Variants in CNNM2 observed in about 807,000 individuals in gnomAD.
The protein encoded by CNNM2 is metal transporter CNNM2.
In CNNM2, 12 loss-of-function variants were observed where a neutral mutation model predicts 66.9. That is an observed-to-expected ratio of 0.18 (90% CI 0.11 to 0.29). The LOEUF is 0.29. CNNM2 is among the 10% of genes least tolerant of loss of function. The pLI is 1.00. For synonymous variants in CNNM2, 557 were observed against 501.8 expected, an observed-to-expected ratio of 1.11 and a Z score of -1.47; for missense variants, 705 against 1,167.7, an observed-to-expected ratio of 0.60 and a Z score of 5.77.
chr10:102,985,098 C>A (rs368199971), intron 1 of CNNM2, among the ~76,000 whole-genome samples: 12 of 152,112 alleles, frequency 7.9e-5, no homozygotes, highest in African/African-American at 2.9e-4. Context: ...AAGGGAAAGT[C>A]TTTTTTTTCT....
chr10:102,921,673 T>G (rs997606255), intron 1 of CNNM2, among the ~76,000 whole-genome samples: 1 of 152,312 alleles, frequency 6.6e-6, no homozygotes, highest in Non-Finnish European at 1.5e-5. Flanking sequence ...TGCAGTAATA[T>G]CTGTAATACA....
chr10:102,937,971 G>A (rs1408768874), intron 1 of CNNM2, among the ~76,000 whole-genome samples: 1 of 151,950 alleles, frequency 6.6e-6, no homozygotes, highest in Non-Finnish European at 1.5e-5. Context: ...TATCATTTAG[G>A]TGCCTTTACT....
chr10:103,020,852 T>C (rs1343058608), intron 1 of CNNM2, among the ~76,000 whole-genome samples: 1 of 152,068 alleles, frequency 6.6e-6, no homozygotes, highest in African/African-American at 2.4e-5. Flanking sequence ...TTGGAATTGG[T>C]ACTAACAGGA....
intron 2 of CNNM2, among the ~76,000 whole-genome samples, chr10:103,053,649 G>C (rs564764618): frequency 3.3e-5 from 5 of 152,342 alleles, no homozygotes; most frequent in African/African-American, 1.2e-4. Flanking sequence ...CTAAACAGCA[G>C]TGTGGAGACT....
chr10:103,010,319 C>A (rs1425920103), intron 1 of CNNM2, among the ~76,000 whole-genome samples: 1 of 151,926 alleles, frequency 6.6e-6, no homozygotes, highest in African/African-American at 2.4e-5. Context: ...CGCACTACAG[C>A]CTGGACCTCC....
At chr10:103,007,137 C>G (rs2064244770) in intron 1 of CNNM2, among the ~76,000 whole-genome samples, 1 of 152,136 alleles carries the variant, frequency 6.6e-6, no homozygotes. Context: ...TGATGCCCAC[C>G]TGAACTGCAA....
chr10:103,078,414 C>G lies in CNNM2; in HGVS notation c.*1234C>G, dbSNP rs899526643. 1 of 152,248 alleles carries G rather than the reference C, an allele frequency of 6.6e-6. No homozygotes were observed. The highest frequency in any genetic ancestry group is 6.5e-5 in the Admixed American group (1 of 15,288). The allele number at this position is 152,248 out of a possible 1,614,324, so 9.4% of individuals were successfully genotyped here. ...GGCTCTGTGCCTCCTGCCTCAGATG[C>G]GGCCTGTGCCAGAGAGGCTGCCTGT... On this transcript the variant is annotated 3_prime_UTR_variant, in exon 8 of 8. Transcript: ENST00000369878.
rs1037923467 is a variant in CNNM2 at position 103,090,150 on chromosome 10, G to A, written c.*12970G>A. ...TGGAAATTGGAAAAGATGGAGAGGG[G>A]AGTTTACTTTCTATTTTACAGCAAA... On this transcript the variant is annotated 3_prime_UTR_variant, in exon 8 of 8. Transcript: ENST00000369878. 1 of 433,094 alleles carries A rather than the reference G, an allele frequency of 2.3e-6. No individual in the cohort carries two copies. Among genetic ancestry groups the A allele is most frequent in the Non-Finnish European group, 4.1e-6 (1 of 246,004 alleles). 26.8% of individuals were successfully genotyped at this position (433,094 alleles called of 1,614,324 possible).
rs77348449 is a variant in CNNM2, at chr10:103,079,298, C to T, written c.*2118C>T. 2.6e-5 allele frequency: 4 copies of T among 152,434 alleles called. No homozygotes were observed. Among genetic ancestry groups the T allele is most frequent in the East Asian group, 1.9e-4 (1 of 5,186 alleles). The allele number at this position is 152,434 out of a possible 1,614,324, so 9.4% of individuals were successfully genotyped here. ...GGAAGAGGGCATCTATCCCCCTCTT[C>T]GGGTCTGCGCAGTGCTGGCCTTCCC... On this transcript the variant is annotated 3_prime_UTR_variant, in exon 8 of 8. Transcript: ENST00000369878.
At chr10:102,948,236 G>A (rs1846693188) in intron 1 of CNNM2, among the ~76,000 whole-genome samples, 1 of 152,142 alleles carries the variant, frequency 6.6e-6, no homozygotes, top group Non-Finnish European at 1.5e-5. Flanking sequence ...TAGACATGAA[G>A]CAAATCATCA....
chr10:103,056,972 G>A lies in CNNM2; in HGVS notation c.2073+8G>A. ...TTCGTTCTCATTCTGCAGGTCAGAA[G>A]AATTATTCAATAGTGGTTTGCTCTC... On this transcript the variant is annotated splice_region_variant and intron_variant, in intron 4 of 7. Coordinates refer to ENST00000369878, the MANE Select transcript of CNNM2 (RefSeq NM_017649.5). The A allele has an allele frequency of 4.4e-6, 7 of 1,606,558 alleles. No homozygotes were observed. The highest frequency in any genetic ancestry group is 5.9e-6 in the Non-Finnish European group (7 of 1,177,038).
chr10:102,933,060 A>C (rs1846119668), intron 1 of CNNM2, among the ~76,000 whole-genome samples: 1 of 152,190 alleles, frequency 6.6e-6, no homozygotes, highest in East Asian at 1.9e-4. Context: ...GAAATTAGAA[A>C]GTTTGAATCC....
intron 1 of CNNM2, among the ~76,000 whole-genome samples, chr10:102,985,351 T>A (rs1418288798): frequency 6.6e-6 from 1 of 152,140 alleles, no homozygotes; most frequent in Non-Finnish European, 1.5e-5. Flanking sequence ...AAAAAGAATT[T>A]TAAAATTTTA....
At chr10:102,970,067 A>G (rs906985616) in intron 1 of CNNM2, among the ~76,000 whole-genome samples, 1 of 152,252 alleles carries the variant, frequency 6.6e-6, no homozygotes, top group Non-Finnish European at 1.5e-5. Context: ...TTGTAAAATT[A>G]TCCTCTGATA....
At chr10:103,019,627 C>T (rs1294254356) in intron 1 of CNNM2, among the ~76,000 whole-genome samples, 1 of 152,158 alleles carries the variant, frequency 6.6e-6, no homozygotes, top group Non-Finnish European at 1.5e-5. Flanking sequence ...ATGTAGCATT[C>T]TGTGGCCTCC....
chr10:102,961,880 G>A (rs1182757387), intron 1 of CNNM2, among the ~76,000 whole-genome samples: 1 of 151,692 alleles, frequency 6.6e-6, no homozygotes, highest in Non-Finnish European at 1.5e-5. Context: ...GGGCAACAAA[G>A]CGATACTCCA....
In CNNM2 at chr10:102,944,581, C is replaced by CGT. The variant is rs148795286; in HGVS notation, c.1621+24515_1621+24516dup. Among the ~76,000 whole-genome samples, 53,202 of 143,188 alleles carry CGT rather than the reference C, an allele frequency of 0.37. 9,665 individuals carry two copies. Among genetic ancestry groups the CGT allele is most frequent in the African/African-American group, 0.43 (16,359 of 38,348 alleles). The allele number at this position is 143,188 out of a possible 152,430, so 93.9% of individuals were successfully genotyped here. On this transcript the variant is annotated intron_variant, in intron 1 of 7. Transcript: ENST00000369878. ...ATATTTTGCCATATTTGTATCTTTT[C>CGT]GTGTGTGTGTGTGTGTGTGTGTGTG...
intron 4 of CNNM2, among the ~76,000 whole-genome samples, chr10:103,067,802 T>C (rs1220502966): frequency 6.6e-6 from 1 of 152,014 alleles, no homozygotes; most frequent in African/African-American, 2.4e-5. Flanking sequence ...AGGGAAAATC[T>C]TAGGGGGAGG....
chr10:102,965,004 C>T (rs1300613487), intron 1 of CNNM2, among the ~76,000 whole-genome samples: 1 of 152,208 alleles, frequency 6.6e-6, no homozygotes, highest in Non-Finnish European at 1.5e-5. Flanking sequence ...CAGCGTTCCT[C>T]CCCTCCAGAG....
Sources: gnomAD v4.1 joint callset for allele counts (sites outside exome capture counted in the v4.1 genomes callset) on GRCh38, gnomAD v4.1.1 for gene constraint, MANE v1.5 for transcripts, NCBI Gene and HGNC (gene_info 2026-07-23, HGNC 2026-07-21) for gene names.